SDHD: variants seen among roughly 807,000 people sequenced by gnomAD.
SDHD encodes succinate dehydrogenase complex subunit D.
Under a neutral mutation model 18.7 loss-of-function variants are expected in SDHD, and 6 were observed. The ratio of observed to expected loss-of-function variants is 0.32; its 90% CI spans 0.18 to 0.63. The LOEUF (loss-of-function observed/expected upper bound fraction) is 0.63, where lower values mean the gene tolerates loss of function less well. Among genes scored for constraint, SDHD ranks in the 30% least tolerant of loss-of-function variants. The pLI, the probability that SDHD is intolerant of heterozygous loss-of-function variation, is 0.79. For missense variants in SDHD, 160 were observed against 192.7 expected, an observed-to-expected ratio of 0.83 and a Z score of 1.00; for synonymous variants, 56 against 73.9, an observed-to-expected ratio of 0.76 and a Z score of 1.24.
At chr11:112,089,943 TA>T (rs1040789968) in intron 3 of SDHD, among the ~76,000 whole-genome samples, 259 of 144,200 alleles carry the variant, frequency 1.8e-3, no homozygotes, top group Admixed American at 1.7e-3. Context: ...TCTTGCCTCT[TA>T]AAAAAAAAAA....
intron 2 of SDHD, chr11:112,088,608 C>G: frequency 1.9e-6 from 1 of 532,340 alleles, no homozygotes; most frequent in Non-Finnish European, 3.4e-6. Flanking sequence ...TTTTATCCAT[C>G]TTCTTGGATC....
At chr11:112,087,408 T>C (rs927659172) in intron 1 of SDHD, among the ~76,000 whole-genome samples, 15 of 152,264 alleles carry the variant, frequency 9.9e-5, no homozygotes, top group Admixed American at 9.8e-4. Context: ...ACTGTAGTAA[T>C]GCTAGGATAC....
intron 3 of SDHD, among the ~76,000 whole-genome samples, chr11:112,094,578 G>A (rs896163421): frequency 1.2e-4 from 19 of 152,162 alleles, no homozygotes; most frequent in Non-Finnish European, 2.5e-4. Context: ...GGGCAACAGA[G>A]TAAGACTTTG....
At chr11:112,088,506 A>G (rs930649686) in intron 2 of SDHD, 9 of 356,438 alleles carry the variant, frequency 2.5e-5, no homozygotes, top group Non-Finnish European at 4.9e-5. Flanking sequence ...GTGAGCCACC[A>G]CGCCTGGACC....
chr11:112,090,208 A>G (rs1865718462), intron 3 of SDHD, among the ~76,000 whole-genome samples: 1 of 152,180 alleles, frequency 6.6e-6, no homozygotes, highest in Non-Finnish European at 1.5e-5. Context: ...CCCAGGTACA[A>G]GCGATTCTCC....
intron 3 of SDHD, among the ~76,000 whole-genome samples, chr11:112,094,554 C>T (rs1865803504): frequency 6.6e-6 from 1 of 152,208 alleles, no homozygotes; most frequent in Non-Finnish European, 1.5e-5. Flanking sequence ...GATCAGGCCA[C>T]TGCACTCCAG....
At chr11:112,091,522 C>T (rs926248995) in intron 3 of SDHD, among the ~76,000 whole-genome samples, 1 of 152,152 alleles carries the variant, frequency 6.6e-6, no homozygotes, top group Non-Finnish European at 1.5e-5. Context: ...TAGGTGAGCT[C>T]AGATCTGACC....
intron 3 of SDHD, among the ~76,000 whole-genome samples, chr11:112,091,434 C>T (rs913317672): frequency 2.6e-5 from 4 of 152,226 alleles, no homozygotes; most frequent in Admixed American, 2.6e-4. Flanking sequence ...GATCCTTCTC[C>T]TCTTGTCTGA....
chr11:112,088,415 T>TCTCAAACTCCTGACCTC (rs1310959029), intron 2 of SDHD: 10 of 333,984 alleles, frequency 3.0e-5, no homozygotes, highest in African/African-American at 1.7e-4. Context: ...GCCGGGCTGG[T>TCTCAAACTCCTGACCTC]CTCAAACTCC....
chr11:112,088,794 T>C, intron 2 of SDHD, 73 bp from the exon 3 acceptor site: 3 of 1,561,188 alleles, frequency 1.9e-6, no homozygotes, highest in Non-Finnish European at 2.6e-6. Flanking sequence ...TTTGGGTTAC[T>C]GTGTGGCATA....
intron 3 of SDHD, chr11:112,091,231 G>A: frequency 3.1e-6 from 1 of 324,466 alleles, no homozygotes; most frequent in Non-Finnish European, 4.4e-6. Context: ...TGTATTAATT[G>A]GGGTCTTATC....
intron 3 of SDHD, 108 bp from the exon 4 acceptor site, chr11:112,094,697 A>G (rs970777144): frequency 1.0e-6 from 1 of 974,838 alleles, no homozygotes; most frequent in Non-Finnish European, 1.6e-6. Context: ...AAATGGAGAC[A>G]TTGCATTTGA....
chr11:112,087,052 T>C, intron 1 of SDHD, 93 bp downstream of exon 1: 1 of 1,414,612 alleles, frequency 7.1e-7, no homozygotes. Context: ...GGGAGATCTC[T>C]TGAGGAGAAG....
chr11:112,089,128 T>A, intron 3 of SDHD, 117 bp downstream of exon 3: 1 of 984,856 alleles, frequency 1.0e-6, no homozygotes, highest in Non-Finnish European at 1.6e-6. Context: ...TTGAAAACTT[T>A]AAAATATATA....
At position 112,095,781 on chromosome 11, in the gene SDHD, C is replaced by T. The variant is rs1466764684; in HGVS notation, c.*811C>T. ...ATAAAATGTTATATAATAAAAGTGTCTTCTATGCTTTTATATATTAGCTAT... is the reference window on the plus strand; with the variant it reads ...ATAAAATGTTATATAATAAAAGTGTTTTCTATGCTTTTATATATTAGCTAT... On this transcript the variant is annotated 3_prime_UTR_variant, in exon 4 of 4. Transcript: ENST00000375549. 5.0e-6 allele frequency: 1 copy of T among 200,150 alleles called. No individual in the cohort carries two copies. Among genetic ancestry groups the T allele is most frequent in the Non-Finnish European group, 1.0e-5 (1 of 98,150 alleles). 12.4% of individuals were successfully genotyped at this position (200,150 alleles called of 1,614,324 possible). A position where few individuals can be genotyped will look rare whatever the true frequency, so the allele number is the denominator to read the frequency against.
intron 3 of SDHD, chr11:112,092,948 ATGTAT>A (rs1416397977): frequency 1.1e-5 from 2 of 187,674 alleles, no homozygotes; most frequent in Non-Finnish European, 2.3e-5. Context: ...CAAAGGAATG[ATGTAT>A]TGATAAATGC....
In SDHD at chr11:112,087,922, A is replaced by G. The variant is rs146276662; in HGVS notation, c.118A>G (p.Ile40Val). 14 of 1,613,874 alleles carry G rather than the reference A, an allele frequency of 8.7e-6. No homozygotes were observed. Among genetic ancestry groups the G allele is most frequent in the Non-Finnish European group, 5.9e-6 (7 of 1,179,870 alleles). Reference protein sequence around the residue: ...HISAFLQDRPIPEWCGVQHIH... With the variant: ...HISAFLQDRPVPEWCGVQHIH... ...CTCAGCATTTCTTCAGGACCGACCT[A>G]TCCCAGAATGGTGTGGAGTGCAGCA... is the stretch of plus-strand genomic sequence containing the variant. Residue 40 changes from isoleucine (I) to valine (V), a missense_variant, in exon 2 of 4, where the codon ATC (isoleucine) becomes GTC (valine). Ile to Val is a conservative substitution (Grantham distance 29). Transcript: ENST00000375549.
At chr11:112,091,690 T>C (rs1458135386) in intron 3 of SDHD, among the ~76,000 whole-genome samples, 3 of 152,132 alleles carry the variant, frequency 2.0e-5, no homozygotes, top group Non-Finnish European at 4.4e-5. Context: ...AAAGCTATGC[T>C]CAAACTAAAA....
intron 3 of SDHD, chr11:112,093,051 T>TTA (rs1491175665): frequency 5.7e-6 from 1 of 174,890 alleles, no homozygotes; most frequent in Non-Finnish European, 1.2e-5. Context: ...TTTTTTTTTT[T>TTA]GAGACAGAGT....
Sources: allele counts gnomAD v4.1 joint callset (sites outside exome capture counted in the v4.1 genomes callset), GRCh38; gene constraint gnomAD v4.1.1; transcripts MANE v1.5; gene names NCBI Gene and HGNC (gene_info 2026-07-23, HGNC 2026-07-21).